Variants in GSE1 observed in about 807,000 individuals in gnomAD.
The protein encoded by GSE1 is genetic suppressor element 1.
In GSE1, 32 loss-of-function variants were observed where a neutral mutation model predicts 112.6. That is an observed-to-expected ratio of 0.28 (90% CI 0.21 to 0.38). The LOEUF is 0.38. Ranked by LOEUF, GSE1 falls within the 10% of genes least tolerant of loss-of-function variation. The pLI is 1.00. For synonymous variants in GSE1, 1,115 were observed against 735.6 expected, an observed-to-expected ratio of 1.52 and a Z score of -8.35; for missense variants, 2,348 against 1,699.2, an observed-to-expected ratio of 1.38 and a Z score of -6.71.
chr16:85,498,378 C>T (rs966265987), intron 2 of GSE1, among the ~76,000 whole-genome samples: 4 of 151,838 alleles, frequency 2.6e-5, no homozygotes, highest in African/African-American at 9.7e-5. Flanking sequence ...AACATATACA[C>T]ACATAGACAT....
chr16:85,367,405 T>A (rs2047206688), intron 2 of GSE1, among the ~76,000 whole-genome samples: 1 of 152,252 alleles, frequency 6.6e-6, no homozygotes, highest in East Asian at 1.9e-4. Flanking sequence ...ATGGGGGGCA[T>A]AGCAGGGCAC....
At chr16:85,284,078 T>C (rs1405143657) in intron 1 of GSE1, among the ~76,000 whole-genome samples, 2 of 152,150 alleles carry the variant, frequency 1.3e-5, no homozygotes, top group African/African-American at 2.4e-5. Flanking sequence ...CCCGTGGCTG[T>C]GGCATGCGTG....
intron 1 of GSE1, among the ~76,000 whole-genome samples, chr16:85,601,995 C>G (rs372417948): frequency 2.0e-5 from 3 of 152,134 alleles, no homozygotes; most frequent in Non-Finnish European, 4.4e-5. Context: ...TGGGAGGCGG[C>G]GGGGAGGGAG....
chr16:85,607,188 C>T (rs1401421466), upstream of GSE1, among the ~76,000 whole-genome samples: 1 of 152,048 alleles, frequency 6.6e-6, no homozygotes, highest in Non-Finnish European at 1.5e-5. Flanking sequence ...GGTCAGGGAG[C>T]CCAGGTCATA....
At chr16:85,415,424 T>G (rs113111654) in intron 2 of GSE1, among the ~76,000 whole-genome samples, 9 of 152,212 alleles carry the variant, frequency 5.9e-5, no homozygotes, top group Non-Finnish European at 8.8e-5. Context: ...GGCTTCCAGG[T>G]GCTGAGGGCG....
At chr16:85,213,926 C>T (rs2075267805) in intron 1 of GSE1, among the ~76,000 whole-genome samples, 1 of 152,206 alleles carries the variant, frequency 6.6e-6, no homozygotes, top group Non-Finnish European at 1.5e-5. Flanking sequence ...AGGCCTCAGT[C>T]CTCCCCGCAG....
chr16:85,499,813 A>G (rs2051303163), intron 2 of GSE1, among the ~76,000 whole-genome samples: 1 of 152,248 alleles, frequency 6.6e-6, no homozygotes, highest in African/African-American at 2.4e-5. Context: ...TAAAAAGATA[A>G]CATATGTTGC....
At chr16:85,182,706 A>G (rs2074614696) in intron 1 of GSE1, among the ~76,000 whole-genome samples, 2 of 152,128 alleles carry the variant, frequency 1.3e-5, no homozygotes, top group African/African-American at 4.8e-5. Context: ...GACCTGGTGC[A>G]GTGCAGGTCT....
intron 1 of GSE1, among the ~76,000 whole-genome samples, chr16:85,256,564 C>T (rs923685772): frequency 6.6e-6 from 1 of 152,246 alleles, no homozygotes; most frequent in East Asian, 1.9e-4. Flanking sequence ...GGGCCTGATC[C>T]AGCACCTGGC....
rs555582995 is a variant in GSE1, at chr16:85,440,958, G to A, written c.2464+83315G>A. Reference sequence around the variant, plus strand: ...TCGAGCCCTGGGCCACTTGCCGGGGGTGGGCCTGAAATGCACACGTCCAGC... The same window carrying A: ...TCGAGCCCTGGGCCACTTGCCGGGGATGGGCCTGAAATGCACACGTCCAGC... On this transcript the variant is annotated intron_variant, in intron 2 of 2. Coordinates refer to the GSE1 transcript ENST00000637419. 1.2e-4 allele frequency among the ~76,000 whole-genome samples: 18 copies of A among 152,314 alleles called. No individual in the cohort carries two copies. In the East Asian group the frequency reaches 3.3e-3, roughly 28 times the overall value.
chr16:85,280,817 A>T (rs1444623329), intron 1 of GSE1, among the ~76,000 whole-genome samples: 1 of 152,050 alleles, frequency 6.6e-6, no homozygotes, highest in East Asian at 1.9e-4. Context: ...CCCTCTGAGG[A>T]CTCTGTCTTG....
At chr16:85,263,140 G>C (rs1907886126) in intron 1 of GSE1, among the ~76,000 whole-genome samples, 1 of 152,230 alleles carries the variant, frequency 6.6e-6, no homozygotes, top group Admixed American at 6.5e-5. Flanking sequence ...CTCACGCTTG[G>C]AGAGTGCGGG....
intron 2 of GSE1, among the ~76,000 whole-genome samples, chr16:85,423,868 G>A (rs745828777): frequency 1.3e-5 from 2 of 152,206 alleles, no homozygotes; most frequent in African/African-American, 2.4e-5. Flanking sequence ...CCCCAGCCTC[G>A]TGGGACATCT....
intron 1 of GSE1, among the ~76,000 whole-genome samples, chr16:85,228,910 C>A (rs972593195): frequency 6.6e-6 from 1 of 152,212 alleles, no homozygotes; most frequent in Non-Finnish European, 1.5e-5. Flanking sequence ...GAAAACATAC[C>A]CGAAGGAGTT....
chr16:85,364,721 C>G (rs1328136008), intron 2 of GSE1, among the ~76,000 whole-genome samples: 2 of 152,194 alleles, frequency 1.3e-5, no homozygotes, highest in Admixed American at 1.3e-4. Context: ...GTGACCCATG[C>G]CGTTCCTGCC....
intron 1 of GSE1, among the ~76,000 whole-genome samples, chr16:85,322,924 G>A (rs563274367): frequency 9.9e-5 from 15 of 152,240 alleles, no homozygotes; most frequent in African/African-American, 2.9e-4. Context: ...CCTCCGTTTT[G>A]CTTTTGAGGA....
At chr16:85,266,059 G>T (rs1172966144) in intron 1 of GSE1, among the ~76,000 whole-genome samples, 2 of 152,196 alleles carry the variant, frequency 1.3e-5, no homozygotes, top group African/African-American at 4.8e-5. Flanking sequence ...TCTGGAGTGA[G>T]GAAGGGAATC....
At chr16:85,664,148 T>C (rs899755775) in intron 11 of GSE1, among the ~76,000 whole-genome samples, 4 of 152,388 alleles carry the variant, frequency 2.6e-5, no homozygotes, top group African/African-American at 7.2e-5. Flanking sequence ...CGAATCCATA[T>C]AGCAGAAGAA....
chr16:85,604,887 G>A (rs1429457129), intron 1 of GSE1, among the ~76,000 whole-genome samples: 1 of 73,702 alleles, frequency 1.4e-5, no homozygotes, highest in Non-Finnish European at 2.6e-5. Flanking sequence ...GCGGGATCTC[G>A]GCTCACTGCA....
Sources: allele counts gnomAD v4.1 joint callset (sites outside exome capture counted in the v4.1 genomes callset), GRCh38; gene constraint gnomAD v4.1.1; transcripts MANE v1.5; gene names NCBI Gene and HGNC (gene_info 2026-07-23, HGNC 2026-07-21).